SNX29: variants seen among roughly 807,000 people sequenced by gnomAD.
SNX29 encodes the protein sorting nexin-29.
SNX29 carries 78 observed loss-of-function variants against 102.1 expected under a neutral mutation model. That is an observed-to-expected ratio of 0.76 (90% CI 0.64 to 0.92). The LOEUF (loss-of-function observed/expected upper bound fraction) is 0.92. Ranked by LOEUF, SNX29 falls within the 40% of genes least tolerant of loss-of-function variation. The pLI is 0.00. For missense variants in SNX29, 1,280 were observed against 1,061.7 expected (o/e 1.21, Z -2.86); for synonymous variants, 580 against 414.5 (o/e 1.40, Z -4.85).
At chr16:12,434,563 G>C (rs1394501326) in intron 18 of SNX29, among the ~76,000 whole-genome samples, 1 of 152,078 alleles carries the variant, frequency 6.6e-6, no homozygotes, top group East Asian at 1.9e-4. Context: ...TCTAAACTGT[G>C]TCCTGAAACA....
chr16:12,538,390 T>G (rs2077173697), intron 20 of SNX29, among the ~76,000 whole-genome samples: 1 of 152,156 alleles, frequency 6.6e-6, no homozygotes. Context: ...GCGCCCGGCC[T>G]CCCCTTGCAC....
intron 15 of SNX29, among the ~76,000 whole-genome samples, chr16:12,289,843 T>C (rs866533442): frequency 3.9e-5 from 6 of 152,100 alleles, no homozygotes; most frequent in South Asian, 4.2e-4. Context: ...CGTGTGGCCT[T>C]GATGGACGCG....
chr16:12,099,258 G>A (rs553599269), intron 11 of SNX29, among the ~76,000 whole-genome samples: 2 of 152,312 alleles, frequency 1.3e-5, no homozygotes, highest in Admixed American at 6.5e-5. Flanking sequence ...CTGCGAGGTG[G>A]TCAGCTCAGC....
At chr16:12,513,392 TC>T (rs1429116241) in intron 19 of SNX29, among the ~76,000 whole-genome samples, 1 of 151,222 alleles carries the variant, frequency 6.6e-6, no homozygotes, top group Non-Finnish European at 1.5e-5. Flanking sequence ...TGCTCTCCCT[TC>T]CCCTCCCCTC....
intron 8 of SNX29, among the ~76,000 whole-genome samples, chr16:12,058,526 C>T (rs1183061538): frequency 7.9e-6 from 1 of 126,814 alleles, no homozygotes; most frequent in Non-Finnish European, 1.6e-5. Context: ...TGGAGTCTCG[C>T]TCTGTCACCC....
chr16:12,390,048 G>C (rs1486924394), intron 16 of SNX29, among the ~76,000 whole-genome samples: 1 of 152,166 alleles, frequency 6.6e-6, no homozygotes, highest in Admixed American at 6.5e-5. Context: ...ATTCTAGGCA[G>C]TTGTTGATTT....
chr16:12,172,703 G>A (rs931703564), intron 13 of SNX29, among the ~76,000 whole-genome samples: 5 of 152,082 alleles, frequency 3.3e-5, no homozygotes, highest in Admixed American at 2.6e-4. Flanking sequence ...TATGATAAAC[G>A]GACTTGACTT....
At chr16:12,463,637 G>A (rs2086911500) in intron 18 of SNX29, among the ~76,000 whole-genome samples, 1 of 152,062 alleles carries the variant, frequency 6.6e-6, no homozygotes, top group African/African-American at 2.4e-5. Context: ...ATGAGATTTG[G>A]GTGGGGATAC....
At chr16:12,229,266 A>G (rs1194451295) in intron 14 of SNX29, among the ~76,000 whole-genome samples, 1 of 152,260 alleles carries the variant, frequency 6.6e-6, no homozygotes, top group Non-Finnish European at 1.5e-5. Flanking sequence ...AAGCACCAGC[A>G]TAGTACCTGG....
chr16:12,505,583 A>G (rs1239733104), intron 19 of SNX29, among the ~76,000 whole-genome samples: 1 of 152,208 alleles, frequency 6.6e-6, no homozygotes, highest in African/African-American at 2.4e-5. Context: ...TGGTCACTAT[A>G]GTGAAGCAGA....
chr16:12,218,594 A>C (rs867012277), intron 14 of SNX29, among the ~76,000 whole-genome samples: 5 of 152,294 alleles, frequency 3.3e-5, no homozygotes, highest in Admixed American at 2.0e-4. Context: ...TCCCTGGTCA[A>C]CCTTGCTTTT....
chr16:12,469,689 C>T (rs1454902382), intron 18 of SNX29, among the ~76,000 whole-genome samples: 3 of 152,174 alleles, frequency 2.0e-5, no homozygotes, highest in East Asian at 3.8e-4. Flanking sequence ...TTCTTAGTTG[C>T]TCCAGGTTTG....
At chr16:12,023,733 C>T (rs2057101281) in intron 3 of SNX29, among the ~76,000 whole-genome samples, 2 of 152,056 alleles carry the variant, frequency 1.3e-5, no homozygotes, top group Non-Finnish European at 2.9e-5. Flanking sequence ...AGTGGAAAGC[C>T]TTAGTGTGAC....
At position 12,452,919 on chromosome 16, in the gene SNX29, C is replaced by T. The variant is rs374791289; in HGVS notation, c.2038-24800C>T. On this transcript the variant is annotated intron_variant, in intron 18 of 20. Coordinates refer to ENST00000566228, the MANE Select transcript of SNX29 (RefSeq NM_032167.5). ...TCATTTCTTTTGTTATTTCTGAGGC[C>T]GTTTGTTAGTAAGAGGAATAATTTA... Among the ~76,000 whole-genome samples, 137 of 152,144 alleles carry T rather than the reference C, an allele frequency of 9.0e-4. 1 individual carries two copies. The highest frequency in any genetic ancestry group is 3.1e-3 in the African/African-American group (127 of 41,508).
intron 11 of SNX29, among the ~76,000 whole-genome samples, chr16:12,118,505 A>C (rs1294407654): frequency 6.6e-6 from 1 of 151,364 alleles, no homozygotes; most frequent in Non-Finnish European, 1.5e-5. Flanking sequence ...TTTTTAGTAG[A>C]GATGGGATTT....
At chr16:12,266,153 G>C (rs1445356014) in intron 14 of SNX29, among the ~76,000 whole-genome samples, 1 of 152,002 alleles carries the variant, frequency 6.6e-6, no homozygotes. Flanking sequence ...TTGAACTACT[G>C]GGCTCAAGCG....
At chr16:12,206,499 G>C (rs1056579420) in intron 14 of SNX29, among the ~76,000 whole-genome samples, 2 of 151,922 alleles carry the variant, frequency 1.3e-5, no homozygotes, top group South Asian at 2.1e-4. Flanking sequence ...ACTGTTTGCA[G>C]AGTTGGAAAG....
intron 11 of SNX29, among the ~76,000 whole-genome samples, chr16:12,083,585 C>T (rs1001341582): frequency 7.9e-5 from 12 of 152,130 alleles, no homozygotes; most frequent in African/African-American, 2.2e-4. Flanking sequence ...ATATAAACTC[C>T]GATTGGGAGT....
chr16:12,475,812 A>G (rs1313728188), intron 18 of SNX29, among the ~76,000 whole-genome samples: 1 of 152,244 alleles, frequency 6.6e-6, no homozygotes, highest in African/African-American at 2.4e-5. Context: ...TTGCAAGACA[A>G]TTACCAGCCT....
Sources: gnomAD v4.1 joint callset for allele counts (sites outside exome capture counted in the v4.1 genomes callset) on GRCh38, gnomAD v4.1.1 for gene constraint, MANE v1.5 for transcripts, NCBI Gene and HGNC (gene_info 2026-07-23, HGNC 2026-07-21) for gene names.